Variants in PCDHGA7 observed in about 807,000 individuals in gnomAD.
PCDHGA7 encodes the protein protocadherin gamma subfamily A, 7, also known as protocadherin gamma-A7.
Under a neutral mutation model 58.3 loss-of-function variants are expected in PCDHGA7, and 44 were observed. That is an observed-to-expected ratio of 0.75 (90% CI 0.59 to 0.97). The LOEUF (loss-of-function observed/expected upper bound fraction) is 0.97, where lower values mean the gene tolerates loss of function less well. Among genes scored for constraint, PCDHGA7 ranks in the 50% least tolerant of loss-of-function variants. The pLI, the probability that PCDHGA7 is intolerant of heterozygous loss-of-function variation, is 0.00. For missense variants in PCDHGA7, 1,266 were observed against 1,188.7 expected (o/e 1.06, Z -0.96); for synonymous variants, 516 against 504.2 (o/e 1.02, Z -0.31).
In PCDHGA7 at chr5:141,408,711, A is replaced by T. The variant is rs763392682; in HGVS notation, c.2424+23388A>T. The T allele has an allele frequency of 9.3e-6, 15 of 1,612,568 alleles. No homozygotes were observed. In the East Asian group the frequency reaches 3.3e-4, roughly 36 times the overall value. On this transcript the variant is annotated intron_variant, in intron 1 of 3. Transcript: ENST00000518325. The stretch of plus-strand genomic sequence containing the variant: ...ATAAACATAAACTCAATTAAAGATT[A>T]TAAGATAAACTCTAATCCTTATTTT...
At chr5:141,430,115 A>G (rs930805574) in intron 1 of PCDHGA7, among the ~76,000 whole-genome samples, 1 of 152,194 alleles carries the variant, frequency 6.6e-6, no homozygotes, top group Non-Finnish European at 1.5e-5. Context: ...CATGTCAACA[A>G]CCTGGTAAAG....
rs1167295957 is a variant in PCDHGA7 at position 141,382,977 on chromosome 5, CT to C, written c.79del (p.Trp27GlyfsTer51). On this transcript the variant is annotated frameshift_variant, in exon 1 of 4. Coordinates refer to ENST00000518325, the MANE Select transcript of PCDHGA7 (RefSeq NM_018920.4). LOFTEE classifies it high-confidence loss of function. ...SILLGTPWEA[W>X]AGRILYSVSE... is the part of the protein sequence containing the mutation. Reference sequence around the variant, plus strand: ...TCCTCCTGGGGACCCCCTGGGAAGCCTGGGCAGGACGTATTCTCTACTCCGT... The same window carrying C: ...TCCTCCTGGGGACCCCCTGGGAAGCCGGGCAGGACGTATTCTCTACTCCGT... The C allele has an allele frequency of 4.3e-6, 7 of 1,610,566 alleles. No homozygotes were observed. The South Asian group carries it at 7.7e-5, about 18-fold the overall frequency.
At chr5:141,385,591 T>C in intron 1 of PCDHGA7, 3 of 1,245,038 alleles carry the variant, frequency 2.4e-6, no homozygotes, top group Non-Finnish European at 3.0e-6. Context: ...TGTTCCAACC[T>C]ACTTTCTTAA....
At chr5:141,413,390 C>T (rs1373497766) in intron 1 of PCDHGA7, 1 of 1,614,010 alleles carries the variant, frequency 6.2e-7, no homozygotes, top group African/African-American at 1.3e-5. Context: ...CGCATAGTCT[C>T]CAGAGGTAGG....
At chr5:141,430,396 A>G (rs1433813025) in intron 1 of PCDHGA7, among the ~76,000 whole-genome samples, 5 of 151,842 alleles carry the variant, frequency 3.3e-5, no homozygotes, top group Non-Finnish European at 7.4e-5. Context: ...AAAAAAAAAA[A>G]GCTCACTAAA....
At chr5:141,481,718 C>T (rs942120251) in intron 1 of PCDHGA7, among the ~76,000 whole-genome samples, 6 of 152,082 alleles carry the variant, frequency 3.9e-5, no homozygotes, top group East Asian at 1.9e-4. Context: ...CTTTGGGAGG[C>T]GGAGGCGGGC....
chr5:141,413,388 C>T (rs765673305), intron 1 of PCDHGA7: 39 of 1,614,012 alleles, frequency 2.4e-5, no homozygotes, highest in Non-Finnish European at 3.2e-5. Context: ...TCCGCATAGT[C>T]TCCAGAGGTA....
At chr5:141,418,403 G>T in intron 1 of PCDHGA7, 1 of 1,614,000 alleles carries the variant, frequency 6.2e-7, no homozygotes. Context: ...CTCATTGGTG[G>T]AGAAAGACAA....
intron 1 of PCDHGA7, chr5:141,412,995 T>G: frequency 1.7e-6 from 1 of 572,718 alleles, no homozygotes. Flanking sequence ...TCAATCCGGA[T>G]TCTCAGGGCT....
In PCDHGA7 at chr5:141,384,149, T is replaced by A; in HGVS notation, c.1250T>A (p.Leu417Ter). Reference sequence around the variant, plus strand: ...AACTTGGACCGGGAAACACTCTCTTTGTATAACATCACACTGAAAGCCACA... The same window carrying A: ...AACTTGGACCGGGAAACACTCTCTTAGTATAACATCACACTGAAAGCCACA... ...TKNLDRETLS[L>*]YNITLKATDG... The change falls in exon 1 of 4, where the codon TTG (leucine) becomes TAG (stop). Residue 417 changes from leucine to a stop codon, truncating the protein, a stop_gained. Coordinates refer to ENST00000518325, the MANE Select transcript of PCDHGA7 (RefSeq NM_018920.4). LOFTEE classifies it high-confidence loss of function. 6.2e-7 allele frequency: 1 copy of A among 1,613,370 alleles called. No homozygotes were observed. Among genetic ancestry groups the A allele is most frequent in the Non-Finnish European group, 8.5e-7 (1 of 1,179,640 alleles).
intron 2 of PCDHGA7, among the ~76,000 whole-genome samples, chr5:141,496,013 T>C (rs2154591828): frequency 6.6e-6 from 1 of 152,134 alleles, no homozygotes; most frequent in East Asian, 1.9e-4. Flanking sequence ...CTTGTCTTTT[T>C]TCTCTGAGCC....
At chr5:141,502,191 A>G (rs2099813218) in intron 2 of PCDHGA7, among the ~76,000 whole-genome samples, 1 of 152,170 alleles carries the variant, frequency 6.6e-6, no homozygotes, top group Non-Finnish European at 1.5e-5. Flanking sequence ...TAATACAATA[A>G]TATAGAATCC....
chr5:141,402,352 T>G (rs949706048), intron 1 of PCDHGA7, among the ~76,000 whole-genome samples: 1 of 151,978 alleles, frequency 6.6e-6, no homozygotes, highest in Non-Finnish European at 1.5e-5. Flanking sequence ...AAATTAAAAA[T>G]GAATGTACTT....
intron 1 of PCDHGA7, chr5:141,416,195 CAATT>C (rs1181982521): frequency 6.6e-6 from 1 of 152,322 alleles, no homozygotes; most frequent in African/African-American, 2.4e-5. Flanking sequence ...ATTGAATTAA[CAATT>C]TATTTATAAC....
intron 1 of PCDHGA7, chr5:141,430,575 A>T (rs1056696427): frequency 2.2e-6 from 1 of 455,822 alleles, no homozygotes; most frequent in Non-Finnish European, 3.7e-6. Flanking sequence ...AAAAGCGGAG[A>T]TCCTGCTCGC....
chr5:141,400,928 G>T (rs1365073405), intron 1 of PCDHGA7, among the ~76,000 whole-genome samples: 1 of 152,154 alleles, frequency 6.6e-6, no homozygotes, highest in African/African-American at 2.4e-5. Flanking sequence ...ACTGCTAGTA[G>T]ATGTCTTTCT....
chr5:141,511,632 G>A lies in PCDHGA7; in HGVS notation c.*459G>A, dbSNP rs1388627906. The A allele has an allele frequency of 8.6e-6, 2 of 231,934 alleles. No homozygotes were observed. The highest frequency in any genetic ancestry group is 5.1e-5 in the Admixed American group (1 of 19,634). 14.4% of individuals were successfully genotyped at this position (231,934 alleles called of 1,614,324 possible). A position where few individuals can be genotyped will look rare whatever the true frequency, so the allele number is the denominator to read the frequency against. On this transcript the variant is annotated 3_prime_UTR_variant, in exon 4 of 4. Transcript: ENST00000518325. ...CCTCCTAGTTCTGAAAAGTTGGAAG[G>A]GCATCATGACCTCTTGGCCTCTCCT...
chr5:141,407,123 C>T (rs1271155338), intron 1 of PCDHGA7, among the ~76,000 whole-genome samples: 2 of 152,078 alleles, frequency 1.3e-5, no homozygotes, highest in East Asian at 3.8e-4. Context: ...GTTTCAGTTG[C>T]TTTATTTTTA....
intron 1 of PCDHGA7, chr5:141,405,405 T>C (rs765108115): frequency 1.4e-5 from 22 of 1,588,008 alleles, no homozygotes; most frequent in Non-Finnish European, 1.9e-5. Context: ...TTTCTTTCTT[T>C]TCTTTTTTTG....
Sources: gnomAD v4.1 joint callset for allele counts (sites outside exome capture counted in the v4.1 genomes callset) on GRCh38, gnomAD v4.1.1 for gene constraint, MANE v1.5 for transcripts, NCBI Gene and HGNC (gene_info 2026-07-23, HGNC 2026-07-21) for gene names.